Variants in DISC1 observed in about 807,000 individuals in gnomAD.
The protein encoded by DISC1 is DISC1 scaffold protein.
A neutral mutation model predicts 84.5 loss-of-function variants in DISC1; 57 were observed. That is an observed-to-expected ratio of 0.67 (90% CI 0.55 to 0.84). The LOEUF (loss-of-function observed/expected upper bound fraction) is 0.84, where lower values mean the gene tolerates loss of function less well. DISC1 is among the 40% of genes least tolerant of loss of function. DISC1 has a pLI of 0.00. For missense variants in DISC1, 1,000 were observed against 1,057.8 expected (o/e 0.95, Z 0.76); for synonymous variants, 411 against 415.2 (o/e 0.99, Z 0.12).
chr1:231,960,716 C>T (rs1660272701), intron 10 of DISC1, among the ~76,000 whole-genome samples: 1 of 152,188 alleles, frequency 6.6e-6, no homozygotes, highest in South Asian at 2.1e-4. Context: ...AGTTCTGCTG[C>T]AGATACCAGC....
intron 9 of DISC1, among the ~76,000 whole-genome samples, chr1:231,876,546 A>G (rs2085903519): frequency 6.6e-6 from 1 of 152,244 alleles, no homozygotes; most frequent in Non-Finnish European, 1.5e-5. Context: ...AAGATGTAGC[A>G]ACAGTGGCTG....
chr1:231,709,360 G>A (rs925405053), intron 3 of DISC1, among the ~76,000 whole-genome samples: 12 of 151,962 alleles, frequency 7.9e-5, no homozygotes, highest in African/African-American at 2.9e-4. Context: ...GTGATTTCAC[G>A]GTGATGCCTT....
In DISC1 at chr1:231,939,520, A is replaced by G. The variant is rs377696108; in HGVS notation, c.1982-19308A>G. ...TGTGGGAGAAAATCCACACTCCTGC[A>G]GGGATTCACACACGTTTCTTGTCAT... On this transcript the variant is annotated intron_variant, in intron 9 of 12. Coordinates refer to ENST00000439617, the MANE Select transcript of DISC1 (RefSeq NM_018662.3). Among the ~76,000 whole-genome samples the G allele has an allele frequency of 2.9e-4, 44 of 152,304 alleles. No individual in the cohort carries two copies. The South Asian group carries it at 8.9e-3, about 31-fold the overall frequency.
intron 10 of DISC1, among the ~76,000 whole-genome samples, chr1:231,990,135 A>G (rs1027267220): frequency 6.6e-6 from 1 of 151,950 alleles, no homozygotes. Context: ...AGGGCCACTG[A>G]GTTATGGGGA....
At chr1:231,648,904 A>G (rs1156899822) in intron 1 of DISC1, among the ~76,000 whole-genome samples, 6 of 152,114 alleles carry the variant, frequency 3.9e-5, no homozygotes, top group Non-Finnish European at 7.4e-5. Flanking sequence ...CAGTGGTGAT[A>G]TCCCCTTTAT....
intron 2 of DISC1, among the ~76,000 whole-genome samples, chr1:231,695,547 G>T (rs2065555466): frequency 6.6e-6 from 1 of 152,086 alleles, no homozygotes; most frequent in Non-Finnish European, 1.5e-5. Context: ...TCTGTTGCCA[G>T]ACTGTATTTT....
At chr1:231,979,219 C>T (rs1279847627) in intron 10 of DISC1, among the ~76,000 whole-genome samples, 1 of 151,910 alleles carries the variant, frequency 6.6e-6, no homozygotes, top group Non-Finnish European at 1.5e-5. Context: ...ACTGATTCTA[C>T]ATTATGGTGA....
intron 6 of DISC1, among the ~76,000 whole-genome samples, chr1:231,775,983 A>C (rs2076935484): frequency 6.6e-6 from 1 of 152,106 alleles, no homozygotes; most frequent in Non-Finnish European, 1.5e-5. Context: ...ACAGTGTCCA[A>C]GATTTTCTGT....
chr1:231,696,788 C>T (rs1412431025), intron 2 of DISC1, among the ~76,000 whole-genome samples: 1 of 152,244 alleles, frequency 6.6e-6, no homozygotes, highest in Non-Finnish European at 1.5e-5. Flanking sequence ...GAGCAATAGA[C>T]TATTCCATCT....
At chr1:231,921,107 G>T (rs990080065) in intron 9 of DISC1, among the ~76,000 whole-genome samples, 3 of 151,710 alleles carry the variant, frequency 2.0e-5, no homozygotes, top group South Asian at 4.2e-4. Context: ...GTAGAGACGG[G>T]GTTTCACCAT....
chr1:231,744,113 C>T (rs2073678732), intron 3 of DISC1, among the ~76,000 whole-genome samples: 1 of 152,048 alleles, frequency 6.6e-6, no homozygotes, highest in Non-Finnish European at 1.5e-5. Context: ...GCTTATAGAG[C>T]CATAAGAACA....
chr1:231,644,306 A>G (rs566958130), intron 1 of DISC1, among the ~76,000 whole-genome samples: 1 of 152,314 alleles, frequency 6.6e-6, no homozygotes, highest in South Asian at 2.1e-4. Flanking sequence ...TTTGTTAACA[A>G]TGGGTAAGAG....
chr1:231,758,517 T>A (rs1217172881), intron 4 of DISC1, among the ~76,000 whole-genome samples: 1 of 152,130 alleles, frequency 6.6e-6, no homozygotes, highest in Non-Finnish European at 1.5e-5. Flanking sequence ...GGTGGTTGAT[T>A]GCAGAGGTGC....
intron 10 of DISC1, among the ~76,000 whole-genome samples, chr1:231,963,800 G>C (rs1660723246): frequency 6.6e-6 from 1 of 152,130 alleles, no homozygotes; most frequent in African/African-American, 2.4e-5. Context: ...AGCAATTCCT[G>C]TCCCTTTTAA....
intron 2 of DISC1, among the ~76,000 whole-genome samples, chr1:231,700,815 A>G (rs2066321724): frequency 6.6e-6 from 1 of 152,198 alleles, no homozygotes; most frequent in African/African-American, 2.4e-5. Flanking sequence ...ATGGAGGTAT[A>G]GAGGAGGGAC....
chr1:231,827,142 C>T (rs984005008), intron 9 of DISC1, among the ~76,000 whole-genome samples: 2 of 152,154 alleles, frequency 1.3e-5, no homozygotes, highest in Non-Finnish European at 2.9e-5. Context: ...CGCCCGCCAC[C>T]ATGCCTGGCT....
intron 1 of DISC1, among the ~76,000 whole-genome samples, chr1:231,680,484 G>A (rs1229405156): frequency 2.0e-5 from 3 of 152,110 alleles, no homozygotes; most frequent in East Asian, 1.9e-4. Context: ...CATAGGAGTC[G>A]TGTTATGCTG....
intron 9 of DISC1, among the ~76,000 whole-genome samples, chr1:231,912,078 GT>G (rs1320272055): frequency 6.6e-6 from 1 of 152,088 alleles, no homozygotes; most frequent in Non-Finnish European, 1.5e-5. Context: ...TTCGTCTAAT[GT>G]TTTTTCAAGG....
At chr1:232,000,488 A>T (rs1374694097) in intron 10 of DISC1, among the ~76,000 whole-genome samples, 1 of 152,198 alleles carries the variant, frequency 6.6e-6, no homozygotes, top group African/African-American at 2.4e-5. Flanking sequence ...ATATCACTGG[A>T]TTCTAAAAGG....
Sources: gnomAD v4.1 joint callset for allele counts (sites outside exome capture counted in the v4.1 genomes callset) on GRCh38, gnomAD v4.1.1 for gene constraint, MANE v1.5 for transcripts, NCBI Gene and HGNC (gene_info 2026-07-23, HGNC 2026-07-21) for gene names.